Variants in KYAT3 observed in about 807,000 individuals in gnomAD.
KYAT3 encodes kynurenine--oxoglutarate transaminase 3.
In KYAT3, 50 loss-of-function variants were observed where a neutral mutation model predicts 59.0. The observed-to-expected ratio is 0.85, with a 90% CI of 0.68 to 1.07. The LOEUF (loss-of-function observed/expected upper bound fraction) is 1.07, where lower values mean the gene tolerates loss of function less well. KYAT3 is among the 50% of genes least tolerant of loss of function. The pLI is 0.00. For synonymous variants in KYAT3, 148 were observed against 177.0 expected, an observed-to-expected ratio of 0.84 and a Z score of 1.30; for missense variants, 497 against 533.3, an observed-to-expected ratio of 0.93 and a Z score of 0.67.
chr1:88,934,108 T>A (rs138044952), downstream of KYAT3, among the ~76,000 whole-genome samples: 1 of 152,204 alleles, frequency 6.6e-6, no homozygotes, highest in South Asian at 2.1e-4. Flanking sequence ...TTAATCATGC[T>A]ACTGTGGTAG....
rs185144733 is a variant in KYAT3 at position 88,992,361 on chromosome 1, G to T, written c.-2+224C>A. On this transcript the variant is annotated intron_variant, in intron 1 of 13. Coordinates refer to ENST00000260508, the MANE Select transcript of KYAT3 (RefSeq NM_001008661.3). ...AAATCAAGAGTAAAAGCGCCAAGAC[G>T]GTGACCCGGGTCTAGGGGATTCCCC... is the stretch of plus-strand genomic sequence containing the variant. Among the ~76,000 whole-genome samples, 417 of 152,316 alleles carry T rather than the reference G, an allele frequency of 2.7e-3. 1 individual carries two copies. Among genetic ancestry groups the T allele is most frequent in the Non-Finnish European group, 4.3e-3 (294 of 68,020 alleles).
chr1:88,966,604 TGTA>T (rs1245883830), intron 4 of KYAT3, among the ~76,000 whole-genome samples: 2 of 152,124 alleles, frequency 1.3e-5, no homozygotes, highest in Non-Finnish European at 2.9e-5. Flanking sequence ...ATTTATTAGT[TGTA>T]GTAGGCTTTT....
At chr1:88,989,692 A>C (rs1677675647) in intron 1 of KYAT3, among the ~76,000 whole-genome samples, 1 of 152,220 alleles carries the variant, frequency 6.6e-6, no homozygotes, top group Non-Finnish European at 1.5e-5. Flanking sequence ...TTCACCCCAG[A>C]CTGGGTGAGC....
the KYAT3 span, among the ~76,000 whole-genome samples, chr1:88,924,454 T>C: frequency 6.6e-6 from 1 of 151,580 alleles, no homozygotes; most frequent in East Asian, 1.9e-4. Context: ...AAACCTCTTA[T>C]ATCTGAAAAA....
intron 2 of KYAT3, among the ~76,000 whole-genome samples, chr1:88,986,106 G>A (rs749785411): frequency 6.6e-6 from 1 of 151,716 alleles, no homozygotes; most frequent in Non-Finnish European, 1.5e-5. Context: ...GCTTGAACCC[G>A]AGAGGCGGAG....
At position 88,953,135 on chromosome 1, in the gene KYAT3, A is replaced by T. The variant is rs969257916; in HGVS notation, c.882T>A (p.Gly294=). ...VTGWKLGWSI[G]PNHLIKHLQT... ...GTAAATGTTTTATCAAATGATTTGG[A>T]CCAATGGACCAGCCAAGCTGGGAAA... The change falls in exon 10 of 14, where the codon GGT becomes GGA. Residue 294 remains glycine (G), a synonymous_variant. Transcript: ENST00000260508. 3 of 1,612,290 alleles carry T rather than the reference A, an allele frequency of 1.9e-6. No individual in the cohort carries two copies. In the African/African-American group the frequency reaches 4.0e-5, roughly 22 times the overall value.
chr1:88,927,099 T>C, the KYAT3 span, among the ~76,000 whole-genome samples: 14 of 152,272 alleles, frequency 9.2e-5, no homozygotes, highest in African/African-American at 3.1e-4. Flanking sequence ...CATGGGTGGT[T>C]ACGCACCCTG....
At chr1:88,979,707 C>A (rs149674422) in intron 2 of KYAT3, 1 of 152,200 alleles carries the variant, frequency 6.6e-6, no homozygotes, top group Non-Finnish European at 1.5e-5. Flanking sequence ...GAACTCTATA[C>A]AACCCTGGTG....
At chr1:88,934,300 A>G (rs1373558640), downstream of KYAT3, among the ~76,000 whole-genome samples, 1 of 152,088 alleles carries the variant, frequency 6.6e-6, no homozygotes, top group East Asian at 1.9e-4. Context: ...CTAAAAATAC[A>G]AAAATTAGCT....
chr1:88,961,952 C>A, intron 6 of KYAT3, 107 bp downstream of exon 6: 2 of 783,126 alleles, frequency 2.6e-6, no homozygotes, highest in Non-Finnish European at 4.4e-6. Flanking sequence ...TACAGGAAAT[C>A]TCCAAATGCA....
At chr1:88,925,682 A>AAGAGAGAG in the KYAT3 span, among the ~76,000 whole-genome samples, 95 of 148,076 alleles carry the variant, frequency 6.4e-4, no homozygotes, top group African/African-American at 1.8e-3. Flanking sequence ...AGAGAGATGG[A>AAGAGAGAG]AGAGAGAGAG....
chr1:88,927,010 C>T, the KYAT3 span, among the ~76,000 whole-genome samples: 1 of 152,142 alleles, frequency 6.6e-6, no homozygotes, highest in South Asian at 2.1e-4. Flanking sequence ...GGACCCATTT[C>T]TTTGTGGTCA....
At chr1:88,956,970 T>C (rs529464300) in intron 8 of KYAT3, among the ~76,000 whole-genome samples, 1 of 152,336 alleles carries the variant, frequency 6.6e-6, no homozygotes, top group African/African-American at 2.4e-5. Context: ...CTTAGAGTGT[T>C]GGTACACACA....
At chr1:88,969,097 G>T (rs111829911) in intron 3 of KYAT3, among the ~76,000 whole-genome samples, 312 of 152,292 alleles carry the variant, frequency 2.0e-3, no homozygotes, top group Non-Finnish European at 3.3e-3. Context: ...CTGCTGCTAA[G>T]TTCTTTCATC....
At chr1:88,954,131 G>C (rs12057703) in intron 9 of KYAT3, among the ~76,000 whole-genome samples, 4,946 of 152,010 alleles carry the variant, frequency 0.033, 242 homozygotes, top group African/African-American at 0.11. Context: ...CTCCTGACCT[G>C]AGGTGATCTA....
downstream of KYAT3, among the ~76,000 whole-genome samples, chr1:88,931,658 CG>C (rs796585223): frequency 9.9e-5 from 15 of 152,096 alleles, no homozygotes; most frequent in South Asian, 3.1e-3. Flanking sequence ...CCTTTAAACA[CG>C]GGGCTTGCAA....
chr1:88,956,490 C>G (rs10801698), intron 8 of KYAT3, among the ~76,000 whole-genome samples: 1 of 151,832 alleles, frequency 6.6e-6, no homozygotes, highest in South Asian at 2.1e-4. Flanking sequence ...TCTAGAGGAA[C>G]CAAAAATGAA....
At chr1:88,922,667 AT>A in the KYAT3 span, among the ~76,000 whole-genome samples, 2 of 152,136 alleles carry the variant, frequency 1.3e-5, no homozygotes, top group African/African-American at 4.8e-5. Context: ...CCATGGAAAA[AT>A]TGTTTTCCAT....
At chr1:88,985,963 T>C (rs1292522087) in intron 2 of KYAT3, among the ~76,000 whole-genome samples, 1 of 151,172 alleles carries the variant, frequency 6.6e-6, no homozygotes, top group Non-Finnish European at 1.5e-5. Flanking sequence ...GGTGGATCAC[T>C]TGAGCCCAGT....
Sources: gnomAD v4.1 joint callset for allele counts (sites outside exome capture counted in the v4.1 genomes callset) on GRCh38, gnomAD v4.1.1 for gene constraint, MANE v1.5 for transcripts, NCBI Gene and HGNC (gene_info 2026-07-23, HGNC 2026-07-21) for gene names.